SLC25A21: variants seen among roughly 807,000 people sequenced by gnomAD.
SLC25A21 encodes the protein mitochondrial 2-oxodicarboxylate carrier.
In SLC25A21, 47 loss-of-function variants were observed where a neutral mutation model predicts 43.8. That is an observed-to-expected ratio of 1.07 (90% CI 0.85 to 1.37). The LOEUF (loss-of-function observed/expected upper bound fraction) is 1.37. Ranked by LOEUF, SLC25A21 falls within the 40% of genes most tolerant of loss-of-function variation. The pLI is 0.00. For missense variants in SLC25A21, 352 were observed against 350.2 expected (o/e 1.00, Z -0.04); for synonymous variants, 131 against 121.3 (o/e 1.08, Z -0.52).
intron 1 of SLC25A21, among the ~76,000 whole-genome samples, chr14:37,170,965 C>T (rs773479011): frequency 5.3e-5 from 8 of 150,486 alleles, no homozygotes; most frequent in Non-Finnish European, 1.0e-4. Flanking sequence ...TGATGCGCAT[C>T]GGTAATTCCA....
intron 1 of SLC25A21, among the ~76,000 whole-genome samples, chr14:36,898,792 G>A (rs948140278): frequency 6.6e-6 from 1 of 152,162 alleles, no homozygotes; most frequent in Non-Finnish European, 1.5e-5. Context: ...TGGCCAGGGA[G>A]ATGTTGATCA....
At chr14:37,118,466 T>C (rs2138887055) in intron 1 of SLC25A21, among the ~76,000 whole-genome samples, 1 of 152,290 alleles carries the variant, frequency 6.6e-6, no homozygotes, top group African/African-American at 2.4e-5. Context: ...ATAATAAAAC[T>C]CCGCTCTCCT....
At chr14:36,983,963 G>T (rs61989481) in intron 1 of SLC25A21, among the ~76,000 whole-genome samples, 25,562 of 151,980 alleles carry the variant, frequency 0.17, 2,435 homozygotes, top group South Asian at 0.21. Context: ...TATAAAGACG[G>T]AAATAATAGA....
At chr14:37,141,021 T>C (rs1267316674) in intron 1 of SLC25A21, among the ~76,000 whole-genome samples, 1 of 152,102 alleles carries the variant, frequency 6.6e-6, no homozygotes, top group Non-Finnish European at 1.5e-5. Flanking sequence ...TGGTGCAGGC[T>C]TGTAATCCCA....
rs149666275 is a variant in SLC25A21 at position 36,884,153 on chromosome 14, C to A, written c.71-9149G>T. Reference sequence around the variant, plus strand: ...CCCTTTCCCCATCCACTCTTCTCTCCCAGCCTCTGGCAACCTCCATTCTAG... The same window carrying A: ...CCCTTTCCCCATCCACTCTTCTCTCACAGCCTCTGGCAACCTCCATTCTAG... On this transcript the variant is annotated intron_variant, in intron 1 of 9. Transcript: ENST00000331299. 2.7e-3 allele frequency among the ~76,000 whole-genome samples: 406 copies of A among 152,286 alleles called. 2 individuals are homozygous for A. Among genetic ancestry groups the A allele is most frequent in the African/African-American group, 9.5e-3 (396 of 41,564 alleles).
At chr14:36,839,290 T>C (rs996286063) in intron 2 of SLC25A21, among the ~76,000 whole-genome samples, 1 of 152,206 alleles carries the variant, frequency 6.6e-6, no homozygotes, top group Non-Finnish European at 1.5e-5. Context: ...TGCATTTGTA[T>C]ATTCTAGGGG....
intron 1 of SLC25A21, among the ~76,000 whole-genome samples, chr14:37,130,431 C>T (rs1184369219): frequency 1.3e-5 from 2 of 152,164 alleles, no homozygotes; most frequent in Non-Finnish European, 1.5e-5. Flanking sequence ...AGCTGCGAGA[C>T]ATGCTTGTTC....
At chr14:36,845,790 A>T (rs1405310885) in intron 2 of SLC25A21, among the ~76,000 whole-genome samples, 1 of 152,352 alleles carries the variant, frequency 6.6e-6, no homozygotes, top group East Asian at 1.9e-4. Flanking sequence ...TGGGAATTCA[A>T]TGTAAATATG....
chr14:36,967,602 C>T (rs1291316018), intron 1 of SLC25A21, among the ~76,000 whole-genome samples: 1 of 152,180 alleles, frequency 6.6e-6, no homozygotes, highest in Non-Finnish European at 1.5e-5. Context: ...CTAAAAGCAC[C>T]TCACACTATT....
chr14:36,836,147 G>A (rs17105467), intron 2 of SLC25A21, among the ~76,000 whole-genome samples: 7,535 of 152,232 alleles, frequency 0.049, 640 homozygotes, highest in African/African-American at 0.17. Context: ...GTTATAATTC[G>A]GAAGTGTTAA....
At chr14:37,023,936 G>A (rs772549204) in intron 1 of SLC25A21, among the ~76,000 whole-genome samples, 3 of 151,878 alleles carry the variant, frequency 2.0e-5, no homozygotes, top group Non-Finnish European at 2.9e-5. Context: ...ATTTCAAACC[G>A]CAGCATAGTA....
chr14:37,017,636 C>T (rs1485953603), intron 1 of SLC25A21, among the ~76,000 whole-genome samples: 5 of 152,030 alleles, frequency 3.3e-5, no homozygotes, highest in South Asian at 2.1e-4. Context: ...AGTAAAAAAA[C>T]GCAGTATCTG....
In SLC25A21 at chr14:36,815,583, T is replaced by TATTCAAAAAA. The variant is rs1347324777; in HGVS notation, c.120-1583_120-1582insTTTTTTGAAT. Among the ~76,000 whole-genome samples, 481 of 152,272 alleles carry TATTCAAAAAA rather than the reference T, an allele frequency of 3.2e-3. 3 individuals carry two copies. The highest frequency in any genetic ancestry group is 0.01 in the African/African-American group (432 of 41,546). On this transcript the variant is annotated intron_variant, in intron 2 of 9. Coordinates refer to ENST00000331299, the MANE Select transcript of SLC25A21 (RefSeq NM_030631.4). ...ATAATTAGAGCTCAATAAACATGTG[T>TATTCAAAAAA]CCCATTTTTGAAAGGTAAGTTCTTT...
chr14:37,065,309 T>C (rs778243468), intron 1 of SLC25A21, among the ~76,000 whole-genome samples: 2 of 152,148 alleles, frequency 1.3e-5, no homozygotes, highest in Non-Finnish European at 2.9e-5. Context: ...TTGGATAAGG[T>C]ACAAAAGCAT....
At chr14:36,917,741 A>AAAAAG (rs1891869483) in intron 1 of SLC25A21, among the ~76,000 whole-genome samples, 1 of 152,152 alleles carries the variant, frequency 6.6e-6, no homozygotes, top group Admixed American at 6.6e-5. Context: ...ATTATTTATA[A>AAAAAG]AAAAGAAAAT....
chr14:36,956,235 G>A (rs1959338920), intron 1 of SLC25A21, among the ~76,000 whole-genome samples: 2 of 152,130 alleles, frequency 1.3e-5, no homozygotes, highest in African/African-American at 4.8e-5. Flanking sequence ...TTCCCCGTCT[G>A]CTCTGGCTTT....
Position 36,884,110 on chromosome 14 carries a change from C to T in SLC25A21, c.71-9106G>A, listed in dbSNP as rs78107713. On this transcript the variant is annotated intron_variant, in intron 1 of 9. Transcript: ENST00000331299. ...TCTACTGCCTTGCTGAAACTTTGTA[C>T]CCTTTAATCAACATCTCCCCTTTCC... Among the ~76,000 whole-genome samples the T allele has an allele frequency of 1.5e-3, 228 of 152,214 alleles. 1 individual carries two copies. The East Asian group carries it at 0.027, about 18-fold the overall frequency.
At position 36,680,473 on chromosome 14, in the gene SLC25A21, T is replaced by A; in HGVS notation, c.*185A>T. ...TATTTTTTTCTTCTCACAGTTTTAT[T>A]TATACAGCCAAAACTATAATCTCAA... On this transcript the variant is annotated 3_prime_UTR_variant, in exon 10 of 10. Coordinates refer to ENST00000331299, the MANE Select transcript of SLC25A21 (RefSeq NM_030631.4). The A allele has an allele frequency of 4.1e-6, 5 of 1,223,916 alleles. No individual in the cohort carries two copies. The South Asian group carries it at 1.5e-4, about 38-fold the overall frequency. 75.8% of individuals were successfully genotyped at this position (1,223,916 alleles called of 1,614,324 possible). A position where few individuals can be genotyped will look rare whatever the true frequency, so the allele number is the denominator to read the frequency against.
At chr14:36,758,428 G>A (rs1356563984) in intron 3 of SLC25A21, among the ~76,000 whole-genome samples, 1 of 152,028 alleles carries the variant, frequency 6.6e-6, no homozygotes, top group African/African-American at 2.4e-5. Flanking sequence ...CCAGGAGAGG[G>A]GCGTAGTGTT....
Sources: gnomAD v4.1 joint callset for allele counts (sites outside exome capture counted in the v4.1 genomes callset) on GRCh38, gnomAD v4.1.1 for gene constraint, MANE v1.5 for transcripts, NCBI Gene and HGNC (gene_info 2026-07-23, HGNC 2026-07-21) for gene names.